The following HSP90B1 variants were observed in gnomAD, a reference collection of about 807,000 sequenced individuals.
The protein encoded by HSP90B1 is endoplasmin.
A neutral mutation model predicts 100.4 loss-of-function variants in HSP90B1; 27 were observed. That is an observed-to-expected ratio of 0.27 (90% CI 0.20 to 0.37). The LOEUF (loss-of-function observed/expected upper bound fraction) is 0.37. HSP90B1 is among the 10% of genes least tolerant of loss of function. The probability of loss-of-function intolerance (pLI) is 1.00; values close to 1 mark genes in which losing one functional copy is unlikely to be tolerated. For synonymous variants in HSP90B1, 304 were observed against 330.8 expected (o/e 0.92, Z 0.88); for missense variants, 678 against 960.5 (o/e 0.71, Z 3.89).
chr12:103,935,508 A>G (rs1253310556), intron 5 of HSP90B1, among the ~76,000 whole-genome samples: 2 of 152,208 alleles, frequency 1.3e-5, no homozygotes, highest in Non-Finnish European at 2.9e-5. Context: ...AGAAGCACAT[A>G]CTTATCATTG....
rs1290937223 is a variant in HSP90B1, at chr12:103,930,783, A to G, written c.49+219A>G. On this transcript the variant is annotated intron_variant, in intron 1 of 17. Transcript: ENST00000299767. The surrounding 1 kb of genome is among the most constrained non-coding windows in gnomAD (Gnocchi z 4.4). ...ATCATCTAACTGCCCTACAGATCTA[A>G]TAGTATCTCGCCCGGAGGTCTCAGC... Among the ~76,000 whole-genome samples, 1 of 152,066 alleles carries G rather than the reference A, an allele frequency of 6.6e-6. No homozygotes were observed. Among genetic ancestry groups the G allele is most frequent in the Non-Finnish European group, 1.5e-5 (1 of 68,014 alleles).
rs775190750 is a variant in HSP90B1 at position 103,941,617 on chromosome 12, T to G, written c.1231-12T>G. 5.6e-6 allele frequency: 9 copies of G among 1,613,790 alleles called. No individual in the cohort carries two copies. Among genetic ancestry groups the G allele is most frequent in the Middle Eastern group, 1.6e-4 (1 of 6,082 alleles). ...TAATTTCCAGAAAGTGACTTTTTTT[T>G]GGTCTCTTTAGCTCTATGTGCGCCG... On this transcript the variant is annotated splice_polypyrimidine_tract_variant and intron_variant, in intron 9 of 17. Transcript: ENST00000299767.
rs1218681745 is a variant in HSP90B1 at position 103,934,072 on chromosome 12, C to A, written c.528C>A (p.Asn176Lys). The A allele has an allele frequency of 6.2e-7, 1 of 1,614,170 alleles. No individual in the cohort carries two copies. Among genetic ancestry groups the A allele is most frequent in the Non-Finnish European group, 8.5e-7 (1 of 1,180,032 alleles). ...AATCTGGGACAAGCGAGTTTTTAAA[C>A]AAAATGACTGAAGCACAGGAAGATG... ...IAKSGTSEFL[N>K]KMTEAQEDGQ... Residue 176 changes from asparagine (N) to lysine (K), a missense_variant, in exon 5 of 18, where the codon AAC becomes AAA. By Grantham distance (94) the Asn-to-Lys change is moderately conservative. This residue lies in a region of HSP90B1 where 238 missense variants were observed against 346.7 expected (regional missense o/e 0.69). Coordinates refer to ENST00000299767, the MANE Select transcript of HSP90B1 (RefSeq NM_003299.3).
chr12:103,941,749 G>A (rs2136216267), intron 10 of HSP90B1, 43 bp downstream of exon 10: 1 of 1,600,588 alleles, frequency 6.2e-7, no homozygotes, highest in Non-Finnish European at 8.6e-7. Context: ...TGTTGTGGGG[G>A]TCTGGCAGTG....
chr12:103,942,313 A>C (rs1468020400), intron 11 of HSP90B1, among the ~76,000 whole-genome samples: 2 of 152,208 alleles, frequency 1.3e-5, no homozygotes, highest in East Asian at 3.8e-4. Flanking sequence ...CTAAGGTTAG[A>C]ATATAAACAT....
At chr12:103,931,676 G>T (rs1187063280) in intron 2 of HSP90B1, 53 bp downstream of exon 2, 2 of 1,276,580 alleles carry the variant, frequency 1.6e-6, no homozygotes, top group African/African-American at 2.9e-5. Context: ...AACCTTGTGA[G>T]TTACGGTCAC....
chr12:103,931,446 C>T (rs900757629), intron 1 of HSP90B1, 75 bp from the exon 2 acceptor site: 13 of 1,170,182 alleles, frequency 1.1e-5, no homozygotes, highest in Non-Finnish European at 1.6e-5. Flanking sequence ...ATTTTGCAAC[C>T]CCTACCCTTC....
At chr12:103,938,669 AAG>A (rs1869991103) in intron 7 of HSP90B1, 7 of 368,092 alleles carry the variant, frequency 1.9e-5, no homozygotes, top group Middle Eastern at 8.1e-4. Flanking sequence ...CATTTTTATG[AAG>A]AGTTTTCTAA....
Position 103,934,103 on chromosome 12 carries a change from T to A in HSP90B1, c.559T>A (p.Ser187Thr), listed in dbSNP as rs1179464633. Residue 187 changes from serine (S) to threonine (T), a missense_variant, in exon 5 of 18, where the codon TCA (serine) becomes ACA (threonine). Ser to Thr is a moderately conservative substitution (Grantham distance 58). Coordinates refer to ENST00000299767, the MANE Select transcript of HSP90B1 (RefSeq NM_003299.3). ...GACTGAAGCACAGGAAGATGGCCAG[T>A]CAACTTCTGAATTGATTGGCCAGTT... ...KMTEAQEDGQ[S>T]TSELIGQFGV... The A allele has an allele frequency of 6.2e-7, 1 of 1,614,212 alleles. No homozygotes were observed. Among genetic ancestry groups the A allele is most frequent in the Admixed American group, 1.7e-5 (1 of 60,030 alleles).
rs773477700 is a variant in HSP90B1, at chr12:103,937,680, G to A, written c.744-15G>A. On this transcript the variant is annotated splice_polypyrimidine_tract_variant and intron_variant, in intron 5 of 17. Transcript: ENST00000299767. ...TAAATGTTAGGTGTCTCTAAACATC[G>A]AATTTTTCTTGCAGCCTTGTCTTAA... 21 of 1,358,596 alleles carry A rather than the reference G, an allele frequency of 1.5e-5. No homozygotes were observed. The highest frequency in any genetic ancestry group is 3.4e-5 in the Admixed American group (2 of 58,850). 84.2% of individuals were successfully genotyped at this position (1,358,596 alleles called of 1,614,324 possible). A position where few individuals can be genotyped will look rare whatever the true frequency, so the allele number is the denominator to read the frequency against.
chr12:103,935,655 C>T (rs3794241), intron 5 of HSP90B1, among the ~76,000 whole-genome samples: 13,841 of 152,212 alleles, frequency 0.091, 893 homozygotes, highest in East Asian at 0.24. Context: ...CCCCTGCCTT[C>T]GTCACTAACA....
intron 14 of HSP90B1, among the ~76,000 whole-genome samples, chr12:103,945,799 T>C (rs1160634170): frequency 6.6e-6 from 1 of 152,158 alleles, no homozygotes; most frequent in East Asian, 1.9e-4. Context: ...AAGGGAGCAA[T>C]ACAGGCTGGG....
chr12:103,933,083 A>G (rs559815527), intron 4 of HSP90B1, 141 bp downstream of exon 4: 4 of 600,256 alleles, frequency 6.7e-6, no homozygotes, highest in East Asian at 2.7e-5. Flanking sequence ...TCATCAAACT[A>G]TGGCCAAATC....
chr12:103,942,567 T>A lies in HSP90B1; in HGVS notation c.1415T>A (p.Ile472Asn). 6.2e-7 allele frequency: 1 copy of A among 1,613,942 alleles called. No homozygotes were observed. The highest frequency in any genetic ancestry group is 8.5e-7 in the Non-Finnish European group (1 of 1,179,826). Residue 472 changes from isoleucine to asparagine, a missense_variant, in exon 12 of 18, where the codon ATC becomes AAC. Transcript: ENST00000299767. ...KKLVRKTLDM[I>N]KKIADDKYND... ...CTTGTTCGTAAAACGCTGGACATGA[T>A]CAAGAAGATTGCTGATGATAAATAC...
intron 5 of HSP90B1, among the ~76,000 whole-genome samples, chr12:103,934,567 C>G (rs1869856617): frequency 6.6e-6 from 1 of 152,176 alleles, no homozygotes. Flanking sequence ...GGAGGCACTG[C>G]TTGGTCAGTT....
Position 103,947,450 on chromosome 12 carries a change from T to A in HSP90B1, c.2382+20T>A. The A allele has an allele frequency of 1.9e-6, 3 of 1,614,114 alleles. No homozygotes were observed. Among genetic ancestry groups the A allele is most frequent in the Non-Finnish European group, 2.5e-6 (3 of 1,179,986 alleles). On this transcript the variant is annotated intron_variant, in intron 17 of 17. Coordinates refer to ENST00000299767, the MANE Select transcript of HSP90B1 (RefSeq NM_003299.3). ...GCAAAGGTATGGCAAATCAAGAATG[T>A]GACTTGCATTTTCAGTTCTGGCAAA...
chr12:103,944,436 C>T (rs1870167094), intron 14 of HSP90B1, among the ~76,000 whole-genome samples: 1 of 152,128 alleles, frequency 6.6e-6, no homozygotes, highest in African/African-American at 2.4e-5. Flanking sequence ...GTTTTAATGT[C>T]ACAGCAATGA....
At chr12:103,941,293 G>A in intron 8 of HSP90B1, 117 bp from the exon 9 acceptor site, 1 of 1,040,412 alleles carries the variant, frequency 9.6e-7, no homozygotes, top group Middle Eastern at 3.2e-4. Flanking sequence ...GCCAGTAAAG[G>A]AAAATTTTTT....
At position 103,933,078 on chromosome 12, in the gene HSP90B1, A is replaced by T. The variant is rs1030341246; in HGVS notation, c.411+136A>T. 2.6e-5 allele frequency: 16 copies of T among 605,262 alleles called. No individual in the cohort carries two copies. The African/African-American group carries it at 2.8e-4, about 10-fold the overall frequency. The allele number at this position is 605,262 out of a possible 1,614,324, so 37.5% of individuals were successfully genotyped here. ...AAGTCTCAGTGGCTTGAAAGTCATC[A>T]AACTATGGCCAAATCTAACTTGACT... On this transcript the variant is annotated intron_variant, in intron 4 of 17. Transcript: ENST00000299767.
Sources: gnomAD v4.1 joint callset for allele counts (sites outside exome capture counted in the v4.1 genomes callset) on GRCh38, gnomAD v4.1.1 for gene constraint, gnomAD v4.1.1 regional missense constraint, Gnocchi (gnomAD v3.1) non-coding constraint, MANE v1.5 for transcripts, NCBI Gene and HGNC (gene_info 2026-07-23, HGNC 2026-07-21) for gene names.